Variants in SUCLG2 observed in about 807,000 individuals in gnomAD.
The protein encoded by SUCLG2 is succinate-CoA ligase GDP-forming subunit beta, also known as succinate--CoA ligase [GDP-forming] subunit beta, mitochondrial.
In SUCLG2, 42 loss-of-function variants were observed where a neutral mutation model predicts 47.9. The ratio of observed to expected loss-of-function variants is 0.88; its 90% confidence interval spans 0.69 to 1.14. The LOEUF is 1.14. Ranked by LOEUF, SUCLG2 falls within the 50% of genes most tolerant of loss-of-function variation. SUCLG2 has a pLI of 0.00. For synonymous variants in SUCLG2, 195 were observed against 197.3 expected (o/e 0.99, Z 0.10); for missense variants, 571 against 525.9 (o/e 1.09, Z -0.84).
At chr3:67,398,199 G>A (rs200499188) in intron 10 of SUCLG2, among the ~76,000 whole-genome samples, 1,934 of 140,940 alleles carry the variant, frequency 0.014, 93 homozygotes, top group East Asian at 0.04. Flanking sequence ...GAGCTTCTGC[G>A]CAGCAAAAGA....
intron 10 of SUCLG2, among the ~76,000 whole-genome samples, chr3:67,386,314 G>A (rs376250564): frequency 2.8e-3 from 423 of 151,492 alleles, no homozygotes; most frequent in African/African-American, 9.6e-3. Context: ...AGCCAGGATG[G>A]TCTCGATCTC....
At position 67,446,022 on chromosome 3, in the gene SUCLG2, G is replaced by A. The variant is rs1385107511; in HGVS notation, c.1063-45171C>T. On this transcript the variant is annotated intron_variant, in intron 9 of 10. Coordinates refer to ENST00000307227, the MANE Select transcript of SUCLG2 (RefSeq NM_003848.4). ...ACTTAGGCTTCTAGACGGACCTATC[G>A]GGAGACCTGTTCCAAGTACCAATAA... 4.2e-5 allele frequency among the ~76,000 whole-genome samples: 3 copies of A among 70,996 alleles called. 1 individual carries two copies. Among genetic ancestry groups the A allele is most frequent in the Non-Finnish European group, 6.2e-5 (2 of 32,062 alleles). 46.6% of individuals were successfully genotyped at this position (70,996 alleles called of 152,430 possible).
chr3:67,393,798 T>C (rs6548521), intron 10 of SUCLG2, among the ~76,000 whole-genome samples: 48,091 of 151,938 alleles, frequency 0.32, 8,252 homozygotes, highest in African/African-American at 0.44. Context: ...ACACCTCACA[T>C]GGCCGGGTAC....
intron 9 of SUCLG2, among the ~76,000 whole-genome samples, chr3:67,443,976 C>G (rs1449005676): frequency 8.3e-6 from 1 of 120,508 alleles, no homozygotes; most frequent in African/African-American, 2.9e-5. Context: ...GGGTCAGCCC[C>G]CCGCCCGGCC....
intron 6 of SUCLG2, among the ~76,000 whole-genome samples, chr3:67,515,130 A>C (rs1261597742): frequency 6.6e-6 from 1 of 152,220 alleles, no homozygotes. Flanking sequence ...AGGTATTTTG[A>C]GAAAGAGACC....
At chr3:67,393,984 A>G (rs1054054520) in intron 10 of SUCLG2, among the ~76,000 whole-genome samples, 1 of 152,168 alleles carries the variant, frequency 6.6e-6, no homozygotes, top group African/African-American at 2.4e-5. Flanking sequence ...AGGAAAACTA[A>G]CAAACAGAAA....
intron 2 of SUCLG2, among the ~76,000 whole-genome samples, chr3:67,568,684 G>A (rs1707531747): frequency 1.3e-5 from 2 of 152,082 alleles, no homozygotes; most frequent in Non-Finnish European, 2.9e-5. Context: ...TCAGGAGATC[G>A]AGACCATCCT....
At chr3:67,461,811 G>C (rs1704344602) in intron 9 of SUCLG2, among the ~76,000 whole-genome samples, 1 of 151,992 alleles carries the variant, frequency 6.6e-6, no homozygotes, top group African/African-American at 2.4e-5. Flanking sequence ...GGTCCATCCC[G>C]CCCCAGTTCA....
At chr3:67,574,650 TA>T (rs959516367) in intron 2 of SUCLG2, among the ~76,000 whole-genome samples, 2 of 151,640 alleles carry the variant, frequency 1.3e-5, no homozygotes, top group African/African-American at 4.8e-5. Flanking sequence ...GTGACTCAGG[TA>T]AAAAAAAATT....
chr3:67,494,269 C>CT (rs1270051112), intron 9 of SUCLG2, among the ~76,000 whole-genome samples: 1 of 152,086 alleles, frequency 6.6e-6, no homozygotes, highest in Non-Finnish European at 1.5e-5. Flanking sequence ...TCAGATTTCC[C>CT]ACATCTTCAG....
chr3:67,424,373 T>C (rs1396617423), intron 9 of SUCLG2, among the ~76,000 whole-genome samples: 1 of 152,188 alleles, frequency 6.6e-6, no homozygotes, highest in Non-Finnish European at 1.5e-5. Context: ...GACTCTTTAT[T>C]TTCCCAGTTA....
chr3:67,522,845 T>G (rs1296275992), intron 4 of SUCLG2, among the ~76,000 whole-genome samples: 1 of 152,060 alleles, frequency 6.6e-6, no homozygotes, highest in Non-Finnish European at 1.5e-5. Context: ...TTTGTATTTT[T>G]TAGTGGAGAC....
At chr3:67,395,197 T>C (rs962882324) in intron 10 of SUCLG2, among the ~76,000 whole-genome samples, 1 of 151,790 alleles carries the variant, frequency 6.6e-6, no homozygotes, top group African/African-American at 2.4e-5. Context: ...GTAAATGGAC[T>C]AAATGCTCCA....
intron 8 of SUCLG2, among the ~76,000 whole-genome samples, chr3:67,497,748 G>A (rs1375682206): frequency 6.6e-6 from 1 of 152,132 alleles, no homozygotes; most frequent in African/African-American, 2.4e-5. Flanking sequence ...CTCAGTTGGG[G>A]TGATTTTTGC....
chr3:67,436,727 T>A (rs1262106956), intron 9 of SUCLG2, among the ~76,000 whole-genome samples: 1 of 152,164 alleles, frequency 6.6e-6, no homozygotes, highest in Non-Finnish European at 1.5e-5. Flanking sequence ...CATTTAGTGC[T>A]TAAAAAAATT....
chr3:67,482,900 C>G (rs549791634), intron 9 of SUCLG2, among the ~76,000 whole-genome samples: 2 of 152,126 alleles, frequency 1.3e-5, no homozygotes, highest in Admixed American at 6.5e-5. Context: ...GACACCTAAA[C>G]GTTTGCTCAA....
chr3:67,628,948 C>A (rs1700881538), intron 1 of SUCLG2, among the ~76,000 whole-genome samples: 1 of 152,134 alleles, frequency 6.6e-6, no homozygotes, highest in African/African-American at 2.4e-5. Context: ...AAAAGGCAGA[C>A]AGGGGAAGAG....
chr3:67,404,216 C>T (rs1181207505), intron 9 of SUCLG2, among the ~76,000 whole-genome samples: 1 of 152,054 alleles, frequency 6.6e-6, no homozygotes, highest in Non-Finnish European at 1.5e-5. Context: ...AGACGCAAGT[C>T]TTGAAAGCAG....
At chr3:67,369,029 G>T (rs1490919216) in intron 10 of SUCLG2, among the ~76,000 whole-genome samples, 4 of 152,120 alleles carry the variant, frequency 2.6e-5, no homozygotes, top group Non-Finnish European at 5.9e-5. Context: ...TTCACTGAGG[G>T]TGGGGGCTCT....
Sources: allele counts gnomAD v4.1 joint callset (sites outside exome capture counted in the v4.1 genomes callset), GRCh38; gene constraint gnomAD v4.1.1; transcripts MANE v1.5; gene names NCBI Gene and HGNC (gene_info 2026-07-23, HGNC 2026-07-21).